The following BABAM2 variants were observed in gnomAD, a reference collection of about 807,000 sequenced individuals.
BABAM2 encodes BRISC and BRCA1 A complex member 2.
In BABAM2, 31 loss-of-function variants were observed where a neutral mutation model predicts 54.7. The observed-to-expected ratio is 0.57, with a 90% CI of 0.43 to 0.77. The LOEUF is 0.77. Ranked by LOEUF, BABAM2 falls within the 30% of genes least tolerant of loss-of-function variation. The pLI is 0.00. For missense variants in BABAM2, 364 were observed against 455.8 expected, an observed-to-expected ratio of 0.80 and a Z score of 1.83; for synonymous variants, 167 against 162.9, an observed-to-expected ratio of 1.03 and a Z score of -0.19.
At chr2:28,149,831 A>G (rs1356819952) in intron 7 of BABAM2, among the ~76,000 whole-genome samples, 1 of 152,144 alleles carries the variant, frequency 6.6e-6, no homozygotes, top group African/African-American at 2.4e-5. Flanking sequence ...GCTTCAGCAA[A>G]TTGGCATCTT....
At chr2:28,258,263 C>T (rs190695098) in intron 10 of BABAM2, among the ~76,000 whole-genome samples, 59 of 152,218 alleles carry the variant, frequency 3.9e-4, no homozygotes, top group Middle Eastern at 3.4e-3. Flanking sequence ...TTTGTATGGA[C>T]GTATGTTTTT....
intron 10 of BABAM2, among the ~76,000 whole-genome samples, chr2:28,287,501 C>G (rs1686924434): frequency 6.6e-5 from 10 of 152,168 alleles, no homozygotes; most frequent in Admixed American, 6.6e-4. Flanking sequence ...AAATATGCAT[C>G]CACTACCTAC....
intron 10 of BABAM2, among the ~76,000 whole-genome samples, chr2:28,273,356 C>G (rs940464535): frequency 1.2e-4 from 18 of 152,330 alleles, no homozygotes; most frequent in Admixed American, 1.2e-3. Context: ...CTTCTCTCCT[C>G]TCCCTGTTCC....
chr2:28,196,013 C>T (rs1170767932), intron 7 of BABAM2, among the ~76,000 whole-genome samples: 21 of 152,174 alleles, frequency 1.4e-4, no homozygotes, highest in Non-Finnish European at 1.5e-5. Flanking sequence ...TTTCTTACAA[C>T]AGTGTACAAT....
At chr2:27,998,368 A>G (rs1384782019) in intron 4 of BABAM2, among the ~76,000 whole-genome samples, 1 of 152,000 alleles carries the variant, frequency 6.6e-6, no homozygotes, top group Non-Finnish European at 1.5e-5. Context: ...AAACCAGTCT[A>G]TAACCCTAGA....
intron 10 of BABAM2, among the ~76,000 whole-genome samples, chr2:28,281,028 T>C (rs1390256450): frequency 6.6e-6 from 1 of 152,232 alleles, no homozygotes; most frequent in Non-Finnish European, 1.5e-5. Context: ...TTCCTTTCTC[T>C]TTTATTTCCA....
chr2:27,916,528 C>G (rs1666981526), intron 2 of BABAM2, among the ~76,000 whole-genome samples: 1 of 152,204 alleles, frequency 6.6e-6, no homozygotes, highest in Admixed American at 6.5e-5. Context: ...CTCTACCTTG[C>G]TCACTTGCAG....
rs1334594801 is a variant in BABAM2 at position 28,111,134 on chromosome 2, A to ATTT, written c.571-18124_571-18122dup. Among the ~76,000 whole-genome samples the ATTT allele has an allele frequency of 1.4e-3, 140 of 101,892 alleles. 1 individual carries two copies. Among genetic ancestry groups the ATTT allele is most frequent in the African/African-American group, 5.9e-3 (124 of 20,884 alleles). 66.8% of individuals were successfully genotyped at this position (101,892 alleles called of 152,430 possible). ...CAGGCCTGCACCACCACGCCTGGCTATTTTTTTTTTTTTTTGTATTTTTTT... is the reference window on the plus strand; with the variant it reads ...CAGGCCTGCACCACCACGCCTGGCTATTTTTTTTTTTTTTTTTTGTATTTTTTT... On this transcript the variant is annotated intron_variant, in intron 6 of 11. Transcript: ENST00000379624.
chr2:28,208,066 T>TAC lies in BABAM2; in HGVS notation c.681-29132_681-29131dup, dbSNP rs1558436923. Among the ~76,000 whole-genome samples the TAC allele has an allele frequency of 3.5e-5, 5 of 141,578 alleles. No homozygotes were observed. In the South Asian group the frequency reaches 6.9e-4, roughly 20 times the overall value. 92.9% of individuals were successfully genotyped at this position (141,578 alleles called of 152,430 possible). On this transcript the variant is annotated intron_variant, in intron 7 of 11. Transcript: ENST00000379624. The stretch of plus-strand genomic sequence containing the variant: ...GTGTGTGTGTGTGTGTGTGTGTGTG[T>TAC]ACACATGCGCACACACTTTTGAGAA...
At chr2:28,260,889 G>A (rs542031204) in intron 10 of BABAM2, among the ~76,000 whole-genome samples, 8 of 149,644 alleles carry the variant, frequency 5.3e-5, no homozygotes, top group African/African-American at 2.0e-4. Flanking sequence ...TAATTTCTAA[G>A]TATATTTTTA....
chr2:28,196,749 T>A (rs892580697), intron 7 of BABAM2, among the ~76,000 whole-genome samples: 5 of 150,414 alleles, frequency 3.3e-5, no homozygotes, highest in Non-Finnish European at 5.9e-5. Flanking sequence ...CTCAGGAGGC[T>A]GAGGTAGAAG....
chr2:28,100,796 C>T (rs775505779), intron 6 of BABAM2, among the ~76,000 whole-genome samples: 8 of 152,098 alleles, frequency 5.3e-5, no homozygotes, highest in Non-Finnish European at 1.0e-4. Context: ...GTCCATGAGG[C>T]GTAACACTGA....
At chr2:28,216,164 TTTTG>T (rs1679901454) in intron 7 of BABAM2, among the ~76,000 whole-genome samples, 1 of 152,252 alleles carries the variant, frequency 6.6e-6, no homozygotes, top group Non-Finnish European at 1.5e-5. Context: ...TTGACTTAAT[TTTTG>T]TTTAATTGCC....
At chr2:27,954,138 C>A (rs919905704) in intron 3 of BABAM2, among the ~76,000 whole-genome samples, 3 of 152,206 alleles carry the variant, frequency 2.0e-5, no homozygotes, top group African/African-American at 7.2e-5. Context: ...AGTTACAACT[C>A]ATTTCTAGTT....
chr2:27,956,450 A>T (rs1423517146), intron 3 of BABAM2, among the ~76,000 whole-genome samples: 2 of 152,226 alleles, frequency 1.3e-5, no homozygotes, highest in African/African-American at 4.8e-5. Context: ...CCAAATCTTT[A>T]GTCTCTAAAA....
intron 6 of BABAM2, among the ~76,000 whole-genome samples, chr2:28,050,298 T>A (rs1475507093): frequency 6.6e-6 from 1 of 152,240 alleles, no homozygotes; most frequent in Non-Finnish European, 1.5e-5. Context: ...AGCCATGGCC[T>A]GTGGGTTAAT....
chr2:28,334,970 A>G (rs1691300475), intron 11 of BABAM2, among the ~76,000 whole-genome samples: 1 of 152,078 alleles, frequency 6.6e-6, no homozygotes, highest in African/African-American at 2.4e-5. Context: ...TGAGGTCCTG[A>G]GTGCCAGAGA....
At chr2:28,326,015 G>A (rs1690420900) in intron 11 of BABAM2, among the ~76,000 whole-genome samples, 1 of 152,232 alleles carries the variant, frequency 6.6e-6, no homozygotes, top group Non-Finnish European at 1.5e-5. Flanking sequence ...GCCTGACCAT[G>A]CTGCGCACAA....
At chr2:27,912,448 T>C (rs200534183) in intron 2 of BABAM2, among the ~76,000 whole-genome samples, 1 of 152,164 alleles carries the variant, frequency 6.6e-6, no homozygotes, top group Non-Finnish European at 1.5e-5. Context: ...CATTGGCAGG[T>C]TTTTATAAAT....
Sources: allele counts gnomAD v4.1 joint callset (sites outside exome capture counted in the v4.1 genomes callset), GRCh38; gene constraint gnomAD v4.1.1; transcripts MANE v1.5; gene names NCBI Gene and HGNC (gene_info 2026-07-23, HGNC 2026-07-21).